Variants in PER2 observed in about 807,000 individuals in gnomAD.
PER2 encodes the protein period circadian regulator 2.
PER2 carries 66 observed loss-of-function variants against 121.0 expected under a neutral mutation model. That is an observed-to-expected ratio of 0.55 (90% CI 0.45 to 0.67). PER2 has a LOEUF of 0.67. PER2 is among the 30% of genes least tolerant of loss of function. The probability of loss-of-function intolerance (pLI) is 0.00; values close to 1 mark genes in which losing one functional copy is unlikely to be tolerated. For missense variants in PER2, 1,521 were observed against 1,635.0 expected (o/e 0.93, Z 1.20); for synonymous variants, 684 against 659.9 (o/e 1.04, Z -0.56).
rs1195015077 is a variant in PER2 at position 238,252,175 on chromosome 2, C to A, written c.3112-414G>T. ...GCCTGGCCTGGGGAGCATCCCTGAC[C>A]CTCCTCTCCTTGGAAACCCAGACTG... On this transcript the variant is annotated intron_variant, in intron 19 of 22. Transcript: ENST00000254657. This position sits in a 1 kb window ranked among gnomAD's most constrained non-coding sequence, Gnocchi z 4.2. Among the ~76,000 whole-genome samples, 2 of 152,128 alleles carry A rather than the reference C, an allele frequency of 1.3e-5. No individual in the cohort carries two copies. Among genetic ancestry groups the A allele is most frequent in the Non-Finnish European group, 2.9e-5 (2 of 68,034 alleles).
rs753162168 is a variant in PER2 at position 238,253,532 on chromosome 2, A to T, written c.2491T>A (p.Trp831Arg). 1 of 1,611,440 alleles carries T rather than the reference A, an allele frequency of 6.2e-7. No homozygotes were observed. The change falls in exon 19 of 23, where the codon TGG becomes AGG. Residue 831 changes from tryptophan (W) to arginine (R), a missense_variant. Coordinates refer to ENST00000254657, the MANE Select transcript of PER2 (RefSeq NM_022817.3). The surrounding 1 kb of genome is among the most constrained non-coding windows in gnomAD (Gnocchi z 5.6). The stretch of plus-strand genomic sequence containing the variant: ...GACTGGGACGTGTCTGAGGGTGACC[A>T]GGCTGTGGCGTTCAAGCCCACCAGC... The part of the protein sequence containing the change: ...PPLVGLNATA[W>R]SPSDTSQSSC...
chr2:238,285,473 G>A (rs534186330), intron 1 of PER2, among the ~76,000 whole-genome samples: 16 of 152,306 alleles, frequency 1.1e-4, no homozygotes, highest in East Asian at 9.6e-4. Flanking sequence ...AATTAGGAAC[G>A]AAAGCAAGCC....
At chr2:238,273,840 G>C (rs1358561655) in intron 4 of PER2, among the ~76,000 whole-genome samples, 2 of 152,110 alleles carry the variant, frequency 1.3e-5, no homozygotes, top group African/African-American at 4.8e-5. Flanking sequence ...GCTAATTTTT[G>C]TATTTTTAGT....
At chr2:238,298,610 C>T in the PER2 span, 1 of 152,222 alleles carries the variant, frequency 6.6e-6, no homozygotes, top group Non-Finnish European at 1.5e-5. Context: ...GCAGATATCA[C>T]ACGAGGCCCA....
chr2:238,263,355 A>G (rs1429210974), intron 9 of PER2, among the ~76,000 whole-genome samples: 1 of 152,164 alleles, frequency 6.6e-6, no homozygotes, highest in Non-Finnish European at 1.5e-5. Flanking sequence ...TCTTCCTTCC[A>G]GCATCTTTTT....
At position 238,258,298 on chromosome 2, in the gene PER2, G is replaced by C. The variant is rs1695821962; in HGVS notation, c.1878C>G (p.Val626=). ...LRSSDKRKAT[V]SPGPHAGEAE... ...TACCTCCAGCGTGTGGCCCTGGGCT[G>C]ACTGTGGCCTTCCGCTTATCACTGG... Residue 626 remains valine (V), a synonymous_variant, in exon 16 of 23, where the codon GTC becomes GTG. Transcript: ENST00000254657. The C allele has an allele frequency of 6.2e-7, 1 of 1,614,234 alleles. No homozygotes were observed. Among genetic ancestry groups the C allele is most frequent in the Non-Finnish European group, 8.5e-7 (1 of 1,180,024 alleles).
chr2:238,268,533 C>G lies in PER2; in HGVS notation c.825-335G>C, dbSNP rs1455313583. 1.3e-5 allele frequency among the ~76,000 whole-genome samples: 2 copies of G among 152,230 alleles called. No homozygotes were observed. Among genetic ancestry groups the G allele is most frequent in the African/African-American group, 4.8e-5 (2 of 41,458 alleles). On this transcript the variant is annotated intron_variant, in intron 7 of 22. Coordinates refer to ENST00000254657, the MANE Select transcript of PER2 (RefSeq NM_022817.3). This position sits in a 1 kb window ranked among gnomAD's most constrained non-coding sequence, Gnocchi z 4.0. ...GGGTCTGGCTCGGGGTCACTCCTGA[C>G]AGTGCAGCTGGATGCTCAATCAGTC...
Position 238,265,577 on chromosome 2 carries a change from A to T in PER2, c.981T>A (p.Pro327=). The T allele has an allele frequency of 6.3e-7, 1 of 1,594,550 alleles. No individual in the cohort carries two copies. The change falls in exon 9 of 23, where the codon CCT becomes CCA. Residue 327 remains proline (P), a synonymous_variant. Coordinates refer to ENST00000254657, the MANE Select transcript of PER2 (RefSeq NM_022817.3). ...TGGTTGTAAAAATTCTCTTTTCAGG[A>T]GGAATTCTAGGGGCTGAAAGAACAG... ...VHSGYEAPRI[P]PEKRIFTTTH...
intron 16 of PER2, among the ~76,000 whole-genome samples, chr2:238,257,863 A>G (rs1022242013): frequency 3.3e-5 from 5 of 152,254 alleles, no homozygotes; most frequent in African/African-American, 1.2e-4. Flanking sequence ...TTTATGGGCC[A>G]TGTTAACATT....
At chr2:238,285,691 G>A (rs1022324072) in intron 1 of PER2, among the ~76,000 whole-genome samples, 2 of 130,098 alleles carry the variant, frequency 1.5e-5, no homozygotes, top group Non-Finnish European at 3.6e-5. Context: ...AGGCAGGACA[G>A]TGCCAGCCCC....
intron 6 of PER2, among the ~76,000 whole-genome samples, chr2:238,270,693 G>A (rs1310828961): frequency 5.3e-5 from 8 of 152,212 alleles, no homozygotes; most frequent in African/African-American, 7.2e-5. Flanking sequence ...GACCAGACCC[G>A]GCTGGGAGGG....
chr2:238,249,017 A>G lies in PER2; in HGVS notation c.3618+45T>C, dbSNP rs1040914070. The G allele has an allele frequency of 1.9e-6, 3 of 1,597,260 alleles. No individual in the cohort carries two copies. The African/African-American group carries it at 4.0e-5, about 21-fold the overall frequency. On this transcript the variant is annotated intron_variant, in intron 22 of 22. Transcript: ENST00000254657. Reference sequence around the variant, plus strand: ...AGACAGTACAGAGAATCCCCATCACAGAGCCTTTTAGGGCCATATCAGAAA... The same window carrying G: ...AGACAGTACAGAGAATCCCCATCACGGAGCCTTTTAGGGCCATATCAGAAA...
chr2:238,263,319 G>A (rs962502972), intron 9 of PER2, among the ~76,000 whole-genome samples: 2 of 152,338 alleles, frequency 1.3e-5, no homozygotes, highest in Admixed American at 1.3e-4. Flanking sequence ...CCTCCCAAGA[G>A]ATAAGTCATG....
intron 12 of PER2, 128 bp from the exon 13 acceptor site, chr2:238,261,081 G>A (rs564835674): frequency 8.9e-5 from 101 of 1,141,116 alleles, no homozygotes; most frequent in South Asian, 2.8e-4. Flanking sequence ...GCAGAGACCA[G>A]GGGAGCTGAG....
At chr2:238,283,139 C>A (rs1040654039) in intron 1 of PER2, among the ~76,000 whole-genome samples, 1 of 152,216 alleles carries the variant, frequency 6.6e-6, no homozygotes. Context: ...GCTTGCTGGA[C>A]AGGAGGCAAG....
the PER2 span, chr2:238,298,543 T>C: frequency 6.6e-6 from 1 of 152,252 alleles, no homozygotes; most frequent in Admixed American, 6.5e-5. Context: ...TATGGCCTGT[T>C]CTTCCATGGC....
chr2:238,263,710 G>A (rs922530784), intron 9 of PER2, among the ~76,000 whole-genome samples: 2 of 152,154 alleles, frequency 1.3e-5, no homozygotes, highest in Non-Finnish European at 2.9e-5. Flanking sequence ...CTTAACACTT[G>A]TTGCATCCAA....
chr2:238,280,860 A>G (rs1438503909), intron 1 of PER2, among the ~76,000 whole-genome samples: 1 of 152,166 alleles, frequency 6.6e-6, no homozygotes, highest in Non-Finnish European at 1.5e-5. Context: ...GTGCATCCAG[A>G]TGACAAACGG....
the PER2 span, chr2:238,295,274 TTCTCCTTCTTCTTCTTCTTTCTCC>T: frequency 1.4e-5 from 2 of 140,776 alleles, no homozygotes; most frequent in East Asian, 4.2e-4. Flanking sequence ...TTTCTTCTTC[TTCTCCTTCTTCTTCTTCTTTCTCC>T]TTCTCCTTCT....
Sources: gnomAD v4.1 joint callset for allele counts (sites outside exome capture counted in the v4.1 genomes callset) on GRCh38, gnomAD v4.1.1 for gene constraint, Gnocchi (gnomAD v3.1) non-coding constraint, MANE v1.5 for transcripts, NCBI Gene and HGNC (gene_info 2026-07-23, HGNC 2026-07-21) for gene names.